Variants in GRIK2 observed in about 807,000 individuals in gnomAD.
GRIK2 encodes the protein glutamate receptor ionotropic, kainate 2.
In GRIK2, 32 loss-of-function variants were observed where a neutral mutation model predicts 100.3. That is an observed-to-expected ratio of 0.32 (90% confidence interval 0.24 to 0.43). GRIK2 has a LOEUF of 0.43. GRIK2 is among the 20% of genes least tolerant of loss of function. The pLI, the probability that GRIK2 is intolerant of heterozygous loss-of-function variation, is 1.00. For synonymous variants in GRIK2, 417 were observed against 389.4 expected (o/e 1.07, Z -0.83); for missense variants, 843 against 1,114.9 (o/e 0.76, Z 3.47).
chr6:101,437,453 T>C (rs1327758287), intron 2 of GRIK2, among the ~76,000 whole-genome samples: 1 of 152,142 alleles, frequency 6.6e-6, no homozygotes, highest in Non-Finnish European at 1.5e-5. Context: ...TCCATTTACT[T>C]CAAAGATCCT....
intron 4 of GRIK2, among the ~76,000 whole-genome samples, chr6:101,652,236 C>A (rs78092959): frequency 1.3e-5 from 2 of 152,026 alleles, no homozygotes; most frequent in Admixed American, 6.6e-5. Flanking sequence ...AGAGATGGGG[C>A]CTTTGGGAAG....
chr6:101,460,240 A>T (rs1366368925), intron 2 of GRIK2, among the ~76,000 whole-genome samples: 1 of 152,164 alleles, frequency 6.6e-6, no homozygotes, highest in Non-Finnish European at 1.5e-5. Context: ...TCTCTCAAGC[A>T]GTGTGTCATT....
intron 14 of GRIK2, among the ~76,000 whole-genome samples, chr6:101,951,803 C>T: frequency 6.6e-6 from 1 of 152,194 alleles, no homozygotes; most frequent in East Asian, 1.9e-4. Context: ...TGTCTTCCAC[C>T]ATGATTGTGA....
intron 4 of GRIK2, among the ~76,000 whole-genome samples, chr6:101,637,337 A>G (rs1582871339): frequency 6.6e-6 from 1 of 152,116 alleles, no homozygotes; most frequent in Non-Finnish European, 1.5e-5. Context: ...ATCTAACGCA[A>G]CATAACAAAA....
At chr6:101,601,785 C>T (rs753072863) in intron 2 of GRIK2, among the ~76,000 whole-genome samples, 6 of 151,604 alleles carry the variant, frequency 4.0e-5, no homozygotes, top group East Asian at 3.9e-4. Flanking sequence ...ATGCCACCTT[C>T]GACATTTCTG....
intron 2 of GRIK2, among the ~76,000 whole-genome samples, chr6:101,571,223 C>G (rs921714740): frequency 2.0e-5 from 3 of 152,080 alleles, no homozygotes; most frequent in Non-Finnish European, 1.5e-5. Context: ...TTGTTAAAAA[C>G]AGTTGGTTTA....
chr6:101,502,155 G>A (rs1773790329), intron 2 of GRIK2, among the ~76,000 whole-genome samples: 5 of 152,078 alleles, frequency 3.3e-5, no homozygotes, highest in Admixed American at 6.6e-5. Flanking sequence ...TTGATATAGG[G>A]AAGCAGGTAC....
At chr6:101,683,740 CT>C (rs1156638904) in intron 6 of GRIK2, among the ~76,000 whole-genome samples, 1 of 152,160 alleles carries the variant, frequency 6.6e-6, no homozygotes, top group Non-Finnish European at 1.5e-5. Flanking sequence ...CTGTAAAACA[CT>C]TTTAATTGTT....
At chr6:101,983,255 T>C (rs1582664462) in intron 14 of GRIK2, among the ~76,000 whole-genome samples, 2 of 151,990 alleles carry the variant, frequency 1.3e-5, no homozygotes, top group South Asian at 4.1e-4. Context: ...CCCATTATCA[T>C]TGGAAATAAA....
chr6:101,795,769 G>T (rs1583169310), intron 7 of GRIK2, among the ~76,000 whole-genome samples: 1 of 152,188 alleles, frequency 6.6e-6, no homozygotes, highest in South Asian at 2.1e-4. Context: ...GCATGCTTGG[G>T]TACTTGGGGG....
intron 16 of GRIK2, among the ~76,000 whole-genome samples, chr6:102,063,247 C>T (rs1771844530): frequency 6.6e-6 from 1 of 150,446 alleles, no homozygotes; most frequent in Non-Finnish European, 1.5e-5. Context: ...AGGAATTATT[C>T]TGAATGAATA....
chr6:101,779,077 T>C (rs1435322845), intron 7 of GRIK2, among the ~76,000 whole-genome samples: 2 of 152,196 alleles, frequency 1.3e-5, no homozygotes, highest in Non-Finnish European at 2.9e-5. Context: ...TTAGAACATC[T>C]AATTTCTTAA....
At chr6:101,483,866 G>A (rs541544303) in intron 2 of GRIK2, among the ~76,000 whole-genome samples, 13 of 152,290 alleles carry the variant, frequency 8.5e-5, no homozygotes, top group South Asian at 2.1e-4. Flanking sequence ...CACCATGCCC[G>A]GACCCTGTGT....
intron 7 of GRIK2, among the ~76,000 whole-genome samples, chr6:101,766,474 T>A (rs1028030578): frequency 6.6e-6 from 1 of 152,174 alleles, no homozygotes; most frequent in Admixed American, 6.5e-5. Context: ...TAGTATTCAA[T>A]TGGAAGAATA....
chr6:101,411,961 A>C (rs766786526), intron 2 of GRIK2, among the ~76,000 whole-genome samples: 12 of 152,150 alleles, frequency 7.9e-5, no homozygotes, highest in South Asian at 4.1e-4. Context: ...TAGAAAAAGA[A>C]CTCCAGCAGA....
chr6:101,739,843 T>C (rs1292134969), intron 7 of GRIK2, among the ~76,000 whole-genome samples: 1 of 152,160 alleles, frequency 6.6e-6, no homozygotes, highest in African/African-American at 2.4e-5. Flanking sequence ...CCTCACACAA[T>C]TTTCTGTAAG....
chr6:101,647,240 G>A (rs1421033875), intron 4 of GRIK2, among the ~76,000 whole-genome samples: 1 of 151,894 alleles, frequency 6.6e-6, no homozygotes, highest in African/African-American at 2.4e-5. Flanking sequence ...AAAGAAACAA[G>A]CTTCTATGTG....
chr6:102,048,204 C>G (rs976658280), intron 15 of GRIK2, among the ~76,000 whole-genome samples: 1 of 151,314 alleles, frequency 6.6e-6, no homozygotes, highest in Non-Finnish European at 1.5e-5. Context: ...ATACAAAAAT[C>G]AACTCAAAAT....
At chr6:101,638,539 T>A (rs371722965) in intron 4 of GRIK2, among the ~76,000 whole-genome samples, 13 of 141,434 alleles carry the variant, frequency 9.2e-5, no homozygotes, top group African/African-American at 3.4e-4. Flanking sequence ...AAGAAAAGTG[T>A]TTCAGAAAAA....
Sources: gnomAD v4.1 joint callset for allele counts (sites outside exome capture counted in the v4.1 genomes callset) on GRCh38, gnomAD v4.1.1 for gene constraint, MANE v1.5 for transcripts, NCBI Gene and HGNC (gene_info 2026-07-23, HGNC 2026-07-21) for gene names.